Variants in PRR16 observed in about 807,000 individuals in gnomAD.
PRR16 encodes the protein proline rich 16.
Under a neutral mutation model 18.2 loss-of-function variants are expected in PRR16, and 6 were observed. The ratio of observed to expected loss-of-function variants is 0.33; its 90% CI spans 0.18 to 0.65. The LOEUF (loss-of-function observed/expected upper bound fraction) is 0.65, where lower values mean the gene tolerates loss of function less well. Ranked by LOEUF, PRR16 falls within the 30% of genes least tolerant of loss-of-function variation. The probability of loss-of-function intolerance (pLI) is 0.74; values close to 1 mark genes in which losing one functional copy is unlikely to be tolerated. For synonymous variants in PRR16, 151 were observed against 147.8 expected, an observed-to-expected ratio of 1.02 and a Z score of -0.16; for missense variants, 412 against 376.6, an observed-to-expected ratio of 1.09 and a Z score of -0.78.
chr5:120,650,824 G>C (rs530168241), intron 1 of PRR16, among the ~76,000 whole-genome samples: 3 of 152,028 alleles, frequency 2.0e-5, no homozygotes, highest in South Asian at 2.1e-4. Context: ...ATGATTTATA[G>C]TCCTTTGGGT....
chr5:120,760,658 T>G, the PRR16 span, among the ~76,000 whole-genome samples: 3 of 152,150 alleles, frequency 2.0e-5, no homozygotes, highest in African/African-American at 7.2e-5. Context: ...TCATTTTTCC[T>G]GACCACAGGA....
chr5:120,674,986 C>T (rs1329949250), intron 1 of PRR16, among the ~76,000 whole-genome samples: 17 of 151,910 alleles, frequency 1.1e-4, no homozygotes, highest in Admixed American at 1.0e-3. Flanking sequence ...CATTTTCAAG[C>T]ATCTCTAAAT....
intron 1 of PRR16, among the ~76,000 whole-genome samples, chr5:120,488,019 G>A (rs1170388710): frequency 6.6e-6 from 1 of 152,172 alleles, no homozygotes; most frequent in Non-Finnish European, 1.5e-5. Context: ...TGGTGGATAA[G>A]CTTTTTCATG....
intron 1 of PRR16, among the ~76,000 whole-genome samples, chr5:120,576,795 C>T (rs1580743554): frequency 6.6e-6 from 1 of 152,080 alleles, no homozygotes. Context: ...GGCCTTAATA[C>T]TCTGACTGGA....
intron 1 of PRR16, among the ~76,000 whole-genome samples, chr5:120,528,916 C>T (rs191385843): frequency 3.9e-5 from 6 of 152,226 alleles, no homozygotes; most frequent in Admixed American, 3.9e-4. Flanking sequence ...ACTATGAGCC[C>T]TTGTGAAAAG....
At chr5:120,499,005 T>G (rs892274097) in intron 1 of PRR16, among the ~76,000 whole-genome samples, 1 of 152,158 alleles carries the variant, frequency 6.6e-6, no homozygotes, top group African/African-American at 2.4e-5. Context: ...TAGTTTGGAT[T>G]TCTTCAGATT....
At chr5:120,677,777 T>A (rs966752152) in intron 1 of PRR16, among the ~76,000 whole-genome samples, 16 of 152,072 alleles carry the variant, frequency 1.1e-4, no homozygotes, top group African/African-American at 3.9e-4. Context: ...TATATTTTTT[T>A]ATTAAAAAAG....
intron 1 of PRR16, among the ~76,000 whole-genome samples, chr5:120,633,442 A>G (rs1755124974): frequency 6.6e-6 from 1 of 152,168 alleles, no homozygotes; most frequent in Non-Finnish European, 1.5e-5. Flanking sequence ...ATGGATAAGA[A>G]CTCGCCAACC....
chr5:120,681,411 A>G (rs901982053), intron 1 of PRR16, among the ~76,000 whole-genome samples: 2 of 152,210 alleles, frequency 1.3e-5, no homozygotes, highest in Admixed American at 6.5e-5. Flanking sequence ...AACAAAGACA[A>G]TGAACTTAAA....
At chr5:120,774,634 G>A in the PRR16 span, among the ~76,000 whole-genome samples, 20,943 of 151,912 alleles carry the variant, frequency 0.14, 2,035 homozygotes, top group African/African-American at 0.28. Context: ...TGATCTTTAG[G>A]AATTAACTTG....
intron 1 of PRR16, among the ~76,000 whole-genome samples, chr5:120,577,207 A>G (rs1333986617): frequency 1.3e-5 from 2 of 152,106 alleles, no homozygotes; most frequent in Admixed American, 6.6e-5. Context: ...GTGCACTGAA[A>G]TTATAACCAA....
chr5:120,754,299 TATATA>T, the PRR16 span, among the ~76,000 whole-genome samples: 4 of 97,148 alleles, frequency 4.1e-5, no homozygotes, highest in Non-Finnish European at 7.2e-5. Context: ...TAATATATAA[TATATA>T]ATATATAACA....
chr5:120,743,563 G>A, the PRR16 span, among the ~76,000 whole-genome samples: 1 of 151,978 alleles, frequency 6.6e-6, no homozygotes, highest in Non-Finnish European at 1.5e-5. Flanking sequence ...CAATGGTAAG[G>A]AACTTTGCAA....
At chr5:120,647,541 G>A (rs539691101) in intron 1 of PRR16, among the ~76,000 whole-genome samples, 18 of 152,172 alleles carry the variant, frequency 1.2e-4, no homozygotes, top group South Asian at 6.2e-4. Context: ...TGTATAGACT[G>A]TATTTGACCG....
intron 1 of PRR16, among the ~76,000 whole-genome samples, chr5:120,641,539 C>A (rs139248921): frequency 7.4e-4 from 112 of 152,170 alleles, no homozygotes; most frequent in African/African-American, 2.5e-3. Context: ...CATCACACTG[C>A]CCTGCATGAA....
chr5:120,564,771 G>A (rs889581746), intron 1 of PRR16, among the ~76,000 whole-genome samples: 1 of 152,032 alleles, frequency 6.6e-6, no homozygotes, highest in Non-Finnish European at 1.5e-5. Flanking sequence ...CGGATCACGA[G>A]GTCAGGAGAT....
intron 1 of PRR16, among the ~76,000 whole-genome samples, chr5:120,657,100 T>G (rs1279166414): frequency 6.6e-6 from 1 of 152,006 alleles, no homozygotes; most frequent in Non-Finnish European, 1.5e-5. Flanking sequence ...TCAAACTGAT[T>G]TATTTCTTTT....
At chr5:120,576,517 G>A (rs1300041528) in intron 1 of PRR16, among the ~76,000 whole-genome samples, 4 of 152,130 alleles carry the variant, frequency 2.6e-5, no homozygotes, top group Non-Finnish European at 5.9e-5. Flanking sequence ...AAAGATAACA[G>A]GTGTTGGTGA....
At chr5:120,564,536 AG>A (rs771222709) in intron 1 of PRR16, among the ~76,000 whole-genome samples, 105 of 152,222 alleles carry the variant, frequency 6.9e-4, no homozygotes, top group South Asian at 2.5e-3. Flanking sequence ...CGCTATAACA[AG>A]GCAGCACTGA....
Sources: allele counts gnomAD v4.1 joint callset (sites outside exome capture counted in the v4.1 genomes callset), GRCh38; gene constraint gnomAD v4.1.1; transcripts MANE v1.5; gene names NCBI Gene and HGNC (gene_info 2026-07-23, HGNC 2026-07-21).